Variants in PCDHA5 observed in about 807,000 individuals in gnomAD.
PCDHA5 encodes the protein protocadherin alpha-5.
In PCDHA5, 43 loss-of-function variants were observed where a neutral mutation model predicts 61.6. The ratio of observed to expected loss-of-function variants is 0.70; its 90% CI spans 0.55 to 0.90. PCDHA5 has a LOEUF of 0.90. Among genes scored for constraint, PCDHA5 ranks in the 40% least tolerant of loss-of-function variants. PCDHA5 has a pLI of 0.00. For missense variants in PCDHA5, 1,298 were observed against 1,222.7 expected (o/e 1.06, Z -0.92); for synonymous variants, 627 against 543.9 (o/e 1.15, Z -2.13).
chr5:140,845,818 A>T (rs1554141021), intron 1 of PCDHA5, among the ~76,000 whole-genome samples: 2 of 149,728 alleles, frequency 1.3e-5, no homozygotes, highest in Admixed American at 1.3e-4. Flanking sequence ...ACATAATAAA[A>T]TTTAGTTATT....
intron 1 of PCDHA5, chr5:140,876,114 A>G: frequency 2.5e-6 from 4 of 1,613,960 alleles, no homozygotes; most frequent in Non-Finnish European, 3.4e-6. Context: ...TGCTGATGGT[A>G]ATCGATGGCG....
chr5:140,928,234 C>T lies in PCDHA5; in HGVS notation c.2353-50715C>T, dbSNP rs1319421246. The T allele has an allele frequency of 4.3e-6, 7 of 1,614,096 alleles. No homozygotes were observed. In the African/African-American group the frequency reaches 8.0e-5, roughly 18 times the overall value. On this transcript the variant is annotated intron_variant, in intron 1 of 3. Transcript: ENST00000529859. ...TGACAATACACCAAACTTTCCTCAA[C>T]CCCAGCAGGAACTTTTCGTTGCTGA...
At chr5:140,982,097 C>A (rs1313290841) in intron 2 of PCDHA5, among the ~76,000 whole-genome samples, 1 of 152,194 alleles carries the variant, frequency 6.6e-6, no homozygotes, top group Non-Finnish European at 1.5e-5. Flanking sequence ...AACAAGAGAA[C>A]CTGCAAGAGA....
At chr5:140,915,572 C>T (rs2077180575) in intron 1 of PCDHA5, among the ~76,000 whole-genome samples, 1 of 152,106 alleles carries the variant, frequency 6.6e-6, no homozygotes, top group Admixed American at 6.6e-5. Context: ...ATCTGGATTG[C>T]CAGGCAAAAG....
At chr5:140,922,289 G>C (rs1554200767) in intron 1 of PCDHA5, among the ~76,000 whole-genome samples, 1 of 152,222 alleles carries the variant, frequency 6.6e-6, no homozygotes, top group Non-Finnish European at 1.5e-5. Flanking sequence ...ATATGAAAAT[G>C]CTAGGAGAGG....
intron 1 of PCDHA5, among the ~76,000 whole-genome samples, chr5:140,885,040 T>C (rs2060438917): frequency 6.6e-6 from 1 of 152,226 alleles, no homozygotes; most frequent in African/African-American, 2.4e-5. Context: ...AATTTTTAGT[T>C]TAATGTATAC....
At chr5:140,870,605 G>A (rs1445292626) in intron 1 of PCDHA5, 2 of 1,613,248 alleles carry the variant, frequency 1.2e-6, no homozygotes, top group Non-Finnish European at 1.7e-6. Flanking sequence ...TTGGGCGACC[G>A]CGCGCTGTCG....
In PCDHA5 at chr5:140,933,676, AT is replaced by A. The variant is rs1400784175; in HGVS notation, c.2353-45265del. 1.4e-4 allele frequency among the ~76,000 whole-genome samples: 21 copies of A among 151,552 alleles called. 1 individual carries two copies. Among genetic ancestry groups the A allele is most frequent in the Admixed American group, 1.3e-3 (19 of 15,194 alleles). On this transcript the variant is annotated intron_variant, in intron 1 of 3. Coordinates refer to ENST00000529859, the MANE Select transcript of PCDHA5 (RefSeq NM_018908.3). Reference sequence around the variant, plus strand: ...CTGTCTCTCTCTCTGTCTCTCTCACATTTTTTTTCCTATTCCTCGGACACAT... The same window carrying A: ...CTGTCTCTCTCTCTGTCTCTCTCACATTTTTTTCCTATTCCTCGGACACAT...
At chr5:140,940,110 T>C (rs2092554073) in intron 1 of PCDHA5, among the ~76,000 whole-genome samples, 1 of 152,240 alleles carries the variant, frequency 6.6e-6, no homozygotes, top group Admixed American at 6.5e-5. Context: ...CGTTATGTAT[T>C]ATTTACCTCT....
rs60032403 is a variant in PCDHA5 at position 140,941,214 on chromosome 5, C to CCTTT, written c.2353-37696_2353-37693dup. Among the ~76,000 whole-genome samples, 254 of 122,478 alleles carry CCTTT rather than the reference C, an allele frequency of 2.1e-3. 3 individuals carry two copies. The highest frequency in any genetic ancestry group is 3.1e-3 in the Non-Finnish European group (180 of 58,666). 80.4% of individuals were successfully genotyped at this position (122,478 alleles called of 152,430 possible). Reference sequence around the variant, plus strand: ...TTTTTTCTTTCTTCCTTTCTTTCTTCCTTTCTTTCTTTCTTTCTTTCTTTC... The same window carrying CCTTT: ...TTTTTTCTTTCTTCCTTTCTTTCTTCCTTTCTTTCTTTCTTTCTTTCTTTCTTTC... On this transcript the variant is annotated intron_variant, in intron 1 of 3. Coordinates refer to ENST00000529859, the MANE Select transcript of PCDHA5 (RefSeq NM_018908.3).
chr5:140,840,577 G>T lies in PCDHA5; in HGVS notation c.2352+16450G>T, dbSNP rs185474153. ...TACTGCTAGAGTTTGGCATGTCAGA[G>T]AAATCATAAAGGAAAATGTTTTAAG... On this transcript the variant is annotated intron_variant, in intron 1 of 3. Coordinates refer to ENST00000529859, the MANE Select transcript of PCDHA5 (RefSeq NM_018908.3). Among the ~76,000 whole-genome samples, 160 of 152,084 alleles carry T rather than the reference G, an allele frequency of 1.1e-3. 2 individuals are homozygous for T. Among genetic ancestry groups the T allele is most frequent in the African/African-American group, 3.7e-3 (153 of 41,446 alleles).
At chr5:140,836,614 C>G in intron 1 of PCDHA5, 1 of 1,613,584 alleles carries the variant, frequency 6.2e-7, no homozygotes, top group Non-Finnish European at 8.5e-7. Context: ...TGCTCCAGCG[C>G]GGTGGGGAGC....
intron 1 of PCDHA5, among the ~76,000 whole-genome samples, chr5:140,886,847 A>AT (rs2061191950): frequency 6.6e-6 from 1 of 151,038 alleles, no homozygotes; most frequent in Non-Finnish European, 1.5e-5. Flanking sequence ...AAAAAAAAAA[A>AT]GAAAGGTCTT....
chr5:140,850,242 C>T (rs2150475130), intron 1 of PCDHA5: 4 of 1,593,608 alleles, frequency 2.5e-6, no homozygotes, highest in African/African-American at 1.3e-5. Flanking sequence ...GATGGTGCTG[C>T]GGTCGGTGGG....
chr5:140,917,806 A>G (rs921651411), intron 1 of PCDHA5, among the ~76,000 whole-genome samples: 45 of 151,888 alleles, frequency 3.0e-4, no homozygotes, highest in Admixed American at 2.9e-3. Context: ...GCCTTGCAGT[A>G]TAGTTGAAGT....
intron 1 of PCDHA5, chr5:140,851,446 T>G (rs576126527): frequency 1.1e-6 from 1 of 916,006 alleles, no homozygotes; most frequent in South Asian, 5.0e-5. Flanking sequence ...GTTGCTCCAC[T>G]TTAGGAATCA....
At chr5:140,869,718 T>C in intron 1 of PCDHA5, 1 of 1,613,408 alleles carries the variant, frequency 6.2e-7, no homozygotes, top group Non-Finnish European at 8.5e-7. Context: ...GAGAGAAAAC[T>C]CCGGAACTTA....
intron 1 of PCDHA5, chr5:140,870,960 C>A: frequency 6.2e-7 from 1 of 1,613,670 alleles, no homozygotes. Flanking sequence ...GCTCGCGCAT[C>A]CCGTTCCGCG....
At chr5:140,955,771 A>G (rs527455823) in intron 1 of PCDHA5, among the ~76,000 whole-genome samples, 1 of 152,168 alleles carries the variant, frequency 6.6e-6, no homozygotes, top group Admixed American at 6.5e-5. Context: ...GATTCTGTCT[A>G]TCCATGAGCA....
Sources: allele counts gnomAD v4.1 joint callset (sites outside exome capture counted in the v4.1 genomes callset), GRCh38; gene constraint gnomAD v4.1.1; transcripts MANE v1.5; gene names NCBI Gene and HGNC (gene_info 2026-07-23, HGNC 2026-07-21).